The following MYO7B variants were observed in gnomAD, a reference collection of about 807,000 sequenced individuals.
The protein encoded by MYO7B is unconventional myosin-VIIb.
A neutral mutation model predicts 259.7 loss-of-function variants in MYO7B; 212 were observed. That is an observed-to-expected ratio of 0.82 (90% CI 0.73 to 0.91). MYO7B has a LOEUF of 0.91. Ranked by LOEUF, MYO7B falls within the 40% of genes least tolerant of loss-of-function variation. MYO7B has a pLI of 0.00. For synonymous variants in MYO7B, 1,197 were observed against 1,166.4 expected, an observed-to-expected ratio of 1.03 and a Z score of -0.54; for missense variants, 2,732 against 2,813.5, an observed-to-expected ratio of 0.97 and a Z score of 0.66.
At chr2:127,630,707 C>T (rs369073620) in intron 35 of MYO7B, 71 bp from the exon 36 acceptor site, 31 of 1,589,032 alleles carry the variant, frequency 2.0e-5, no homozygotes, top group East Asian at 4.5e-5. Flanking sequence ...GCTGCCAGGC[C>T]GGGAGGAGCC....
Position 127,628,313 on chromosome 2 carries a change from A to G in MYO7B, c.4461-59A>G. The G allele has an allele frequency of 6.5e-7, 1 of 1,549,600 alleles. No homozygotes were observed. Among genetic ancestry groups the G allele is most frequent in the Non-Finnish European group, 8.7e-7 (1 of 1,149,932 alleles). On this transcript the variant is annotated intron_variant, in intron 33 of 47. Coordinates refer to ENST00000409816, the MANE Select transcript of MYO7B (RefSeq NM_001393586.1). The surrounding 1 kb of genome is among the most constrained non-coding windows in gnomAD (Gnocchi z 4.8). The stretch of plus-strand genomic sequence containing the variant: ...CCAACCCCACCTCCCGAGGCTGTTT[A>G]GGGGCTGGATCAGGGGAAGGTGGAG...
chr2:127,583,456 A>ATTATTG (rs1220582818), intron 12 of MYO7B, among the ~76,000 whole-genome samples: 1 of 152,142 alleles, frequency 6.6e-6, no homozygotes, highest in South Asian at 2.1e-4. Context: ...AGGCATAGAG[A>ATTATTG]GCTCAAGTGT....
At chr2:127,612,227 G>T in intron 24 of MYO7B, 23 bp from the exon 25 acceptor site, 1 of 599,310 alleles carries the variant, frequency 1.7e-6, no homozygotes, top group East Asian at 3.7e-5. Flanking sequence ...TCACCTTCCT[G>T]CGGGAACTGT....
Position 127,590,273 on chromosome 2 carries a change from G to A in MYO7B, c.1992+44G>A. 2 of 1,611,744 alleles carry A rather than the reference G, an allele frequency of 1.2e-6. No individual in the cohort carries two copies. Among genetic ancestry groups the A allele is most frequent in the Non-Finnish European group, 1.7e-6 (2 of 1,179,448 alleles). ...GGCACAGCAAAGGAGGGAGGAGGAG[G>A]AGGCTGATGGCCTCTAGGGTTGTGG... On this transcript the variant is annotated intron_variant, in intron 16 of 47. Transcript: ENST00000409816. This position sits in a 1 kb window ranked among gnomAD's most constrained non-coding sequence, Gnocchi z 4.6.
Position 127,615,922 on chromosome 2 carries a change from C to T in MYO7B, c.3398+3319C>T, listed in dbSNP as rs940347750. 3.9e-5 allele frequency among the ~76,000 whole-genome samples: 6 copies of T among 152,328 alleles called. No individual in the cohort carries two copies. Among genetic ancestry groups the T allele is most frequent in the South Asian group, 2.1e-4 (1 of 4,828 alleles). On this transcript the variant is annotated intron_variant, in intron 26 of 47. Transcript: ENST00000409816. The surrounding 1 kb of genome is among the most constrained non-coding windows in gnomAD (Gnocchi z 4.4). Reference sequence around the variant, plus strand: ...GGATCCACAGGTCCCTCCAGTCTCCCGTTGCATGGTCGCACACAACTTGAG... The same window carrying T: ...GGATCCACAGGTCCCTCCAGTCTCCTGTTGCATGGTCGCACACAACTTGAG...
rs886919669 is a variant in MYO7B, at chr2:127,614,571, T to C, written c.3398+1968T>C. 1.3e-5 allele frequency among the ~76,000 whole-genome samples: 2 copies of C among 152,222 alleles called. No individual in the cohort carries two copies. The highest frequency in any genetic ancestry group is 2.1e-4 in the South Asian group (1 of 4,814). On this transcript the variant is annotated intron_variant, in intron 26 of 47. Transcript: ENST00000409816. This position sits in a 1 kb window ranked among gnomAD's most constrained non-coding sequence, Gnocchi z 4.6. The stretch of plus-strand genomic sequence containing the variant: ...AAGTCAAGCACTAGCAAGAACTCAA[T>C]CAACAGGCTCTATTCTAGTACCCTG...
chr2:127,631,073 G>A, intron 36 of MYO7B, 133 bp from the exon 37 acceptor site: 1 of 1,392,668 alleles, frequency 7.2e-7, no homozygotes, highest in Non-Finnish European at 9.6e-7. Context: ...CCAGGCCAGG[G>A]GAGTCAGGAG....
At chr2:127,610,245 A>G (rs1024075260) in intron 24 of MYO7B, among the ~76,000 whole-genome samples, 7 of 152,094 alleles carry the variant, frequency 4.6e-5, no homozygotes, top group Non-Finnish European at 7.4e-5. Context: ...TACAGTCATT[A>G]ACGGAGAGGG....
rs745721146 is a variant in MYO7B at position 127,624,336 on chromosome 2, GC to G, written c.4047+18del. On this transcript the variant is annotated intron_variant, in intron 30 of 47. Transcript: ENST00000409816. ...CTTCGAGAAGGTGAGGGGCCTGAGAGCCAGGTCCACCCTAGGCTTTGCCATC... is the reference window on the plus strand; with the variant it reads ...CTTCGAGAAGGTGAGGGGCCTGAGAGCAGGTCCACCCTAGGCTTTGCCATC... 1.2e-4 allele frequency: 186 copies of G among 1,557,194 alleles called. No individual in the cohort carries two copies. Among genetic ancestry groups the G allele is most frequent in the Non-Finnish European group, 1.5e-4 (178 of 1,150,706 alleles).
In MYO7B at chr2:127,614,322, G is replaced by C. The variant is rs576955834; in HGVS notation, c.3398+1719G>C. ...ACTGCTGGGGTCTTCTAGAAAATGG[G>C]CTGCCTGCTTGTGTGGGATCCCATC... On this transcript the variant is annotated intron_variant, in intron 26 of 47. Transcript: ENST00000409816. This position sits in a 1 kb window ranked among gnomAD's most constrained non-coding sequence, Gnocchi z 4.6. Among the ~76,000 whole-genome samples the C allele has an allele frequency of 1.3e-4, 20 of 152,134 alleles. No homozygotes were observed. The highest frequency in any genetic ancestry group is 2.6e-4 in the Admixed American group (4 of 15,280).
intron 26 of MYO7B, 200 bp from the exon 27 acceptor site, chr2:127,620,140 T>G: frequency 1.0e-5 from 5 of 492,320 alleles, no homozygotes; most frequent in East Asian, 3.4e-5. Flanking sequence ...GCACAGGCCA[T>G]GGGAGAGGAA....
chr2:127,545,655 A>G (rs2104803899), intron 1 of MYO7B, among the ~76,000 whole-genome samples: 1 of 152,350 alleles, frequency 6.6e-6, no homozygotes, highest in Non-Finnish European at 1.5e-5. Context: ...AGGCTCTGCC[A>G]CAGCCCTGTC....
intron 9 of MYO7B, 67 bp downstream of exon 9, chr2:127,578,353 C>T: frequency 6.3e-7 from 1 of 1,586,798 alleles, no homozygotes; most frequent in South Asian, 1.1e-5. Flanking sequence ...AGCAGGAAGG[C>T]ATCTCTAGGG....
Position 127,620,438 on chromosome 2 carries a change from G to T in MYO7B, c.3497G>T (p.Cys1166Phe), listed in dbSNP as rs758888743. 1.9e-6 allele frequency: 3 copies of T among 1,604,494 alleles called. No homozygotes were observed. The highest frequency in any genetic ancestry group is 2.2e-5 in the East Asian group (1 of 44,658). Residue 1166 changes from cysteine (C) to phenylalanine (F), a missense_variant, in exon 27 of 48, where the codon TGC (cysteine) becomes TTC (phenylalanine). Physicochemically the swap from Cys to Phe is radical, Grantham distance 205. This residue lies in a region of MYO7B where 1,906 missense variants were observed against 2,026.4 expected (regional missense o/e 0.94). Coordinates refer to ENST00000409816, the MANE Select transcript of MYO7B (RefSeq NM_001393586.1). The part of the protein sequence containing the change: ...GWILLSLCLG[C>F]FPPSERFMKY... ...ATCCTGCTCAGCCTCTGCCTCGGCT[G>T]CTTCCCACCCTCAGAGAGGTTCATG...
intron 42 of MYO7B, 37 bp from the exon 43 acceptor site, chr2:127,635,083 G>C: frequency 6.4e-7 from 1 of 1,554,696 alleles, no homozygotes; most frequent in Non-Finnish European, 8.8e-7. Context: ...TGTACCTGCT[G>C]GGACAGGCTT....
At chr2:127,624,732 G>A (rs374900625) in intron 30 of MYO7B, among the ~76,000 whole-genome samples, 1 of 152,220 alleles carries the variant, frequency 6.6e-6, no homozygotes, top group Non-Finnish European at 1.5e-5. Flanking sequence ...TGGGGGGCTC[G>A]GGAGGGGCTC....
intron 19 of MYO7B, among the ~76,000 whole-genome samples, chr2:127,605,439 T>C (rs1367493156): frequency 1.3e-5 from 2 of 152,178 alleles, no homozygotes; most frequent in East Asian, 3.9e-4. Context: ...CTACTAAAAA[T>C]ACAAAAATTA....
In MYO7B at chr2:127,620,434, G is replaced by A. The variant is rs199900811; in HGVS notation, c.3493G>A (p.Gly1165Ser). 969 of 1,607,338 alleles carry A rather than the reference G, an allele frequency of 6.0e-4. 7 individuals carry two copies. The African/African-American group carries it at 0.011, about 18-fold the overall frequency. Residue 1165 changes from glycine (G) to serine (S), a missense_variant, in exon 27 of 48, where the codon GGC becomes AGC. Coordinates refer to ENST00000409816, the MANE Select transcript of MYO7B (RefSeq NM_001393586.1). ...RGWILLSLCL[G>S]CFPPSERFMK... is the part of the protein sequence containing the mutation. ...CTGGATCCTGCTCAGCCTCTGCCTC[G>A]GCTGCTTCCCACCCTCAGAGAGGTT... is the stretch of plus-strand genomic sequence containing the variant.
At position 127,631,351 on chromosome 2, in the gene MYO7B, C is replaced by T. The variant is rs751750007; in HGVS notation, c.5083C>T (p.Gln1695Ter). The change falls in exon 37 of 48, where the codon CAG becomes TAG. Residue 1695 changes from glutamine to a stop codon, truncating the protein, a stop_gained. Transcript: ENST00000409816. LOFTEE classifies it high-confidence loss of function. ...CGTCGACCTCTGGGACATCGCCTGC[C>T]AGATCTTTGTCGATATCCTTCCCCA... ...ANVDLWDIAC[Q>*]IFVAILRYMG... The T allele has an allele frequency of 6.2e-7, 1 of 1,608,372 alleles. No individual in the cohort carries two copies. The highest frequency in any genetic ancestry group is 2.2e-5 in the East Asian group (1 of 44,720).
Sources: allele counts gnomAD v4.1 joint callset (sites outside exome capture counted in the v4.1 genomes callset), GRCh38; gene constraint gnomAD v4.1.1; regional missense constraint gnomAD v4.1.1; non-coding constraint Gnocchi (gnomAD v3.1); transcripts MANE v1.5; gene names NCBI Gene and HGNC (gene_info 2026-07-23, HGNC 2026-07-21).